Variants in FBXL14 observed in about 807,000 individuals in gnomAD.
The protein encoded by FBXL14 is F-box/LRR-repeat protein 14.
Under a neutral mutation model 24.5 loss-of-function variants are expected in FBXL14, and 11 were observed. That is an observed-to-expected ratio of 0.45 (90% confidence interval 0.28 to 0.74). The LOEUF is 0.74. Ranked by LOEUF, FBXL14 falls within the 30% of genes least tolerant of loss-of-function variation. The probability of loss-of-function intolerance (pLI) is 0.12; values close to 1 mark genes in which losing one functional copy is unlikely to be tolerated. For missense variants in FBXL14, 384 were observed against 545.6 expected (o/e 0.70, Z 2.95); for synonymous variants, 294 against 240.4 (o/e 1.22, Z -2.06).
Position 1,593,734 on chromosome 12 carries a change from C to G in FBXL14, c.333G>C (p.Ala111=). Residue 111 remains alanine (A), a synonymous_variant, in exon 1 of 2, where the codon GCG becomes GCC. Coordinates refer to ENST00000339235, the MANE Select transcript of FBXL14 (RefSeq NM_152441.3). The surrounding 1 kb of genome is among the most constrained non-coding windows in gnomAD (Gnocchi z 7.4). The stretch of plus-strand genomic sequence containing the variant: ...GCAGGGAGCCGATCTCCTGCACAAA[C>G]GCGTGGCCCAGCCCGTTGTCGGTGA... ...YNLTDNGLGH[A]FVQEIGSLRA... The G allele has an allele frequency of 6.2e-7, 1 of 1,614,164 alleles. No individual in the cohort carries two copies. Among genetic ancestry groups the G allele is most frequent in the Non-Finnish European group, 8.5e-7 (1 of 1,180,024 alleles).
At chr12:1,590,835 A>G (rs933134097) in intron 1 of FBXL14, among the ~76,000 whole-genome samples, 5 of 152,178 alleles carry the variant, frequency 3.3e-5, no homozygotes, top group Admixed American at 6.5e-5. Context: ...TTCAGTATGC[A>G]TGACTGAGCC....
At position 1,594,017 on chromosome 12, in the gene FBXL14, A is replaced by T. The variant is rs757424687; in HGVS notation, c.50T>A (p.Phe17Tyr). The change falls in exon 1 of 2, where the codon TTC (phenylalanine) becomes TAC (tyrosine). Residue 17 changes from phenylalanine (F) to tyrosine (Y), a missense_variant. Coordinates refer to ENST00000339235, the MANE Select transcript of FBXL14 (RefSeq NM_152441.3). ...CTTGTCCCGGACGTCCAGGTAGCCGAAGATCATGGCCAGCAGCTCCGGGAA... is the reference window on the plus strand; with the variant it reads ...CTTGTCCCGGACGTCCAGGTAGCCGTAGATCATGGCCAGCAGCTCCGGGAA... ...CLFPELLAMI[F>Y]GYLDVRDKGR... 1 of 1,574,308 alleles carries T rather than the reference A, an allele frequency of 6.4e-7. No homozygotes were observed. The highest frequency in any genetic ancestry group is 8.6e-7 in the Non-Finnish European group (1 of 1,168,178).
In FBXL14 at chr12:1,569,512, T is replaced by G. The variant is rs184379973; in HGVS notation, c.1195-2702A>C. Among the ~76,000 whole-genome samples the G allele has an allele frequency of 0.027, 4,074 of 152,046 alleles. 92 individuals carry two copies. Among genetic ancestry groups the G allele is most frequent in the Middle Eastern group, 0.068 (20 of 294 alleles). On this transcript the variant is annotated intron_variant, in intron 1 of 1. Transcript: ENST00000339235. This position sits in a 1 kb window ranked among gnomAD's most constrained non-coding sequence, Gnocchi z 4.2. ...GCTTCCCGGGTTCACGCCATTCTCCTGCCTCAGCCTCCTGAGTAGCTGGGA... is the reference window on the plus strand; with the variant it reads ...GCTTCCCGGGTTCACGCCATTCTCCGGCCTCAGCCTCCTGAGTAGCTGGGA...
At chr12:1,583,900 A>G (rs961598063) in intron 1 of FBXL14, among the ~76,000 whole-genome samples, 1 of 152,208 alleles carries the variant, frequency 6.6e-6, no homozygotes, top group African/African-American at 2.4e-5. Context: ...ACAATGGGGA[A>G]GGTAAATTGT....
chr12:1,577,194 C>T (rs36030303), intron 1 of FBXL14, among the ~76,000 whole-genome samples: 2,345 of 152,294 alleles, frequency 0.015, 32 homozygotes, highest in Middle Eastern at 0.085. Flanking sequence ...GGGGGCCTGC[C>T]CTGTGTGGAC....
At chr12:1,573,652 TCAAA>T (rs1342725412) in intron 1 of FBXL14, among the ~76,000 whole-genome samples, 4 of 152,044 alleles carry the variant, frequency 2.6e-5, no homozygotes, top group African/African-American at 9.7e-5. Context: ...AGTTCTCCAG[TCAAA>T]CAGAGAGGGA....
intron 1 of FBXL14, among the ~76,000 whole-genome samples, chr12:1,573,796 A>G (rs185210780): frequency 9.9e-5 from 15 of 152,270 alleles, no homozygotes; most frequent in Non-Finnish European, 1.9e-4. Context: ...CCTGAGGTCA[A>G]GAGTTTGAGA....
chr12:1,591,428 A>T (rs2094489791), intron 1 of FBXL14, among the ~76,000 whole-genome samples: 1 of 151,912 alleles, frequency 6.6e-6, no homozygotes, highest in South Asian at 2.1e-4. Flanking sequence ...TACTGTAAGA[A>T]TATAAACGTT....
intron 1 of FBXL14, among the ~76,000 whole-genome samples, chr12:1,590,577 G>A (rs1411498657): frequency 6.6e-6 from 1 of 152,124 alleles, no homozygotes; most frequent in African/African-American, 2.4e-5. Flanking sequence ...CTACCAAAGG[G>A]AACTCTTGCT....
intron 1 of FBXL14, among the ~76,000 whole-genome samples, chr12:1,575,228 C>G (rs996754177): frequency 2.6e-5 from 4 of 152,174 alleles, no homozygotes; most frequent in Non-Finnish European, 4.4e-5. Context: ...TCCTCCTTTG[C>G]TCACTGGGTT....
Position 1,585,287 on chromosome 12 carries a change from A to T in FBXL14, c.1194+7586T>A, listed in dbSNP as rs142434743. Among the ~76,000 whole-genome samples, 327 of 152,082 alleles carry T rather than the reference A, an allele frequency of 2.2e-3. 1 individual carries two copies. The highest frequency in any genetic ancestry group is 7.7e-3 in the African/African-American group (318 of 41,470). The stretch of plus-strand genomic sequence containing the variant: ...GTGGCAGGTGCCTGTGGTCCCCGCT[A>T]CTCGGGAGGCTGAGCCAGGAGAATG... On this transcript the variant is annotated intron_variant, in intron 1 of 1. Coordinates refer to ENST00000339235, the MANE Select transcript of FBXL14 (RefSeq NM_152441.3).
intron 1 of FBXL14, among the ~76,000 whole-genome samples, chr12:1,571,374 A>G (rs2094445243): frequency 6.6e-6 from 1 of 151,948 alleles, no homozygotes; most frequent in African/African-American, 2.4e-5. Context: ...ACACCCGGCT[A>G]ATTTTGTATT....
At chr12:1,574,602 A>T (rs1194468392) in intron 1 of FBXL14, 2 of 217,706 alleles carry the variant, frequency 9.2e-6, no homozygotes, top group African/African-American at 4.8e-5. Context: ...CACCCTGCTA[A>T]GTAGCCAGAA....
chr12:1,592,372 A>G (rs1038408962), intron 1 of FBXL14, among the ~76,000 whole-genome samples: 2 of 152,042 alleles, frequency 1.3e-5, no homozygotes, highest in Non-Finnish European at 2.9e-5. Flanking sequence ...AGAGACTGGG[A>G]TTAGTTACAA....
chr12:1,592,738 G>A (rs1592490343), intron 1 of FBXL14, 135 bp downstream of exon 1: 2 of 769,882 alleles, frequency 2.6e-6, no homozygotes, highest in East Asian at 5.8e-5. Context: ...ACGAGCCTGA[G>A]GCTTCTGTCA....
At chr12:1,573,919 C>T (rs950321200) in intron 1 of FBXL14, among the ~76,000 whole-genome samples, 5 of 151,980 alleles carry the variant, frequency 3.3e-5, no homozygotes, top group African/African-American at 4.8e-5. Context: ...GCAGGAGAAT[C>T]GCTTGAACCT....
chr12:1,578,278 T>C (rs1176634096), intron 1 of FBXL14, among the ~76,000 whole-genome samples: 1 of 152,224 alleles, frequency 6.6e-6, no homozygotes, highest in Non-Finnish European at 1.5e-5. Context: ...GCATTGCTGC[T>C]ACTATTTTAT....
rs532431787 is a variant in FBXL14, at chr12:1,569,105, A to G, written c.1195-2295T>C. Among the ~76,000 whole-genome samples, 7 of 152,330 alleles carry G rather than the reference A, an allele frequency of 4.6e-5. No individual in the cohort carries two copies. The highest frequency in any genetic ancestry group is 3.3e-4 in the Admixed American group (5 of 15,308). On this transcript the variant is annotated intron_variant, in intron 1 of 1. Transcript: ENST00000339235. This position sits in a 1 kb window ranked among gnomAD's most constrained non-coding sequence, Gnocchi z 4.2. Reference sequence around the variant, plus strand: ...AAGAATATATTGAAGCTTTTACAGAACAAAAAGGAAAAGCTGGTGCACCTT... The same window carrying G: ...AAGAATATATTGAAGCTTTTACAGAGCAAAAAGGAAAAGCTGGTGCACCTT...
intron 1 of FBXL14, among the ~76,000 whole-genome samples, chr12:1,590,860 G>T (rs1172265520): frequency 6.6e-6 from 1 of 152,092 alleles, no homozygotes; most frequent in Non-Finnish European, 1.5e-5. Context: ...AGCACGCAAG[G>T]ACAGCGCTCT....
Sources: gnomAD v4.1 joint callset for allele counts (sites outside exome capture counted in the v4.1 genomes callset) on GRCh38, gnomAD v4.1.1 for gene constraint, Gnocchi (gnomAD v3.1) non-coding constraint, MANE v1.5 for transcripts, NCBI Gene and HGNC (gene_info 2026-07-23, HGNC 2026-07-21) for gene names.